Variants in PRELID2 observed in about 807,000 individuals in gnomAD.
PRELID2 encodes PRELI domain containing 2.
PRELID2 carries 25 observed loss-of-function variants against 28.4 expected under a neutral mutation model. The ratio of observed to expected loss-of-function variants is 0.88; its 90% CI spans 0.64 to 1.23. The LOEUF is 1.23. Among genes scored for constraint, PRELID2 ranks in the 50% most tolerant of loss-of-function variants. PRELID2 has a pLI of 0.00. For missense variants in PRELID2, 201 were observed against 214.4 expected, an observed-to-expected ratio of 0.94 and a Z score of 0.39; for synonymous variants, 76 against 71.6, an observed-to-expected ratio of 1.06 and a Z score of -0.31.
intron 1 of PRELID2, among the ~76,000 whole-genome samples, chr5:145,556,503 G>A (rs1031610140): frequency 6.6e-6 from 1 of 151,986 alleles, no homozygotes; most frequent in African/African-American, 2.4e-5. Context: ...CCTAGATTAG[G>A]CTACCTAAGT....
the PRELID2 span, among the ~76,000 whole-genome samples, chr5:145,439,217 G>T: frequency 6.6e-6 from 1 of 152,100 alleles, no homozygotes; most frequent in African/African-American, 2.4e-5. Context: ...AGCAAAGAAA[G>T]AATTGGTTGC....
chr5:145,619,108 C>T (rs531499788), intron 1 of PRELID2, among the ~76,000 whole-genome samples: 2 of 152,292 alleles, frequency 1.3e-5, no homozygotes, highest in South Asian at 4.1e-4. Context: ...GGCTACCCGC[C>T]TCCCAGCTGT....
chr5:145,770,725 A>G (rs995372761), intron 5 of PRELID2, among the ~76,000 whole-genome samples: 2 of 152,232 alleles, frequency 1.3e-5, no homozygotes, highest in African/African-American at 4.8e-5. Context: ...TTTTAACAAA[A>G]AAGTTCAAAA....
chr5:145,494,960 T>A (rs141774458), intron 1 of PRELID2, among the ~76,000 whole-genome samples: 1 of 152,308 alleles, frequency 6.6e-6, no homozygotes, highest in African/African-American at 2.4e-5. Context: ...AGTGTGCCAA[T>A]GACAATATGT....
intron 1 of PRELID2, among the ~76,000 whole-genome samples, chr5:145,574,194 T>A (rs865974305): frequency 6.6e-6 from 1 of 152,212 alleles, no homozygotes; most frequent in Middle Eastern, 3.4e-3. Flanking sequence ...GCTATGAAGA[T>A]GTAGGAAAAG....
At chr5:145,712,136 A>G (rs545238065) in intron 1 of PRELID2, among the ~76,000 whole-genome samples, 131 of 152,344 alleles carry the variant, frequency 8.6e-4, no homozygotes, top group African/African-American at 3.0e-3. Context: ...CCATCAAGGT[A>G]CTGGCTTGAA....
chr5:145,385,772 A>C, the PRELID2 span, among the ~76,000 whole-genome samples: 2 of 152,188 alleles, frequency 1.3e-5, no homozygotes, highest in Non-Finnish European at 2.9e-5. Context: ...TAGATCATAA[A>C]TGACATTGCA....
rs377075368 is a variant in PRELID2 at position 145,490,091 on chromosome 5, T to TCAAC, written n.71-16780_71-16777dup. 1.3e-3 allele frequency among the ~76,000 whole-genome samples: 203 copies of TCAAC among 152,256 alleles called. 1 individual carries two copies. The highest frequency in any genetic ancestry group is 4.9e-3 in the African/African-American group (203 of 41,588). On this transcript the variant is annotated intron_variant and non_coding_transcript_variant, in intron 1 of 2. Coordinates refer to the PRELID2 transcript ENST00000510259. ...TTAAAAGATGTTGCTTAAAATAAAA[T>TCAAC]CAACTGAGCTATCATCACACCTCCA...
chr5:145,497,978 C>G (rs1246850345), intron 1 of PRELID2, among the ~76,000 whole-genome samples: 2 of 152,122 alleles, frequency 1.3e-5, no homozygotes, highest in Non-Finnish European at 2.9e-5. Context: ...CAACACTTGC[C>G]CTTCACTAAT....
At chr5:145,740,432 T>C (rs1283381575) in intron 1 of PRELID2, among the ~76,000 whole-genome samples, 1 of 139,884 alleles carries the variant, frequency 7.1e-6, no homozygotes, top group African/African-American at 2.6e-5. Flanking sequence ...CTACAAAACG[T>C]TCTCTCAACA....
At chr5:145,247,307 G>A in the PRELID2 span, among the ~76,000 whole-genome samples, 3 of 152,072 alleles carry the variant, frequency 2.0e-5, no homozygotes, top group Non-Finnish European at 4.4e-5. Context: ...ACTGATTTGA[G>A]TAATAATAAA....
the PRELID2 span, chr5:145,338,450 A>G: frequency 6.6e-6 from 1 of 152,202 alleles, no homozygotes; most frequent in Non-Finnish European, 1.5e-5. Flanking sequence ...AGATGCATGC[A>G]AGTTCATCAG....
chr5:145,500,779 A>C (rs1440670278), intron 1 of PRELID2, among the ~76,000 whole-genome samples: 1 of 152,190 alleles, frequency 6.6e-6, no homozygotes, highest in South Asian at 2.1e-4. Context: ...GAAGGATGGC[A>C]ACTACCTTGT....
intron 1 of PRELID2, among the ~76,000 whole-genome samples, chr5:145,586,368 T>C (rs1437038339): frequency 6.6e-6 from 1 of 152,020 alleles, no homozygotes; most frequent in Non-Finnish European, 1.5e-5. Context: ...AAAGGCCAGG[T>C]GCAGTGGCTC....
chr5:145,575,520 A>G (rs963662338), intron 1 of PRELID2, among the ~76,000 whole-genome samples: 1 of 152,174 alleles, frequency 6.6e-6, no homozygotes, highest in African/African-American at 2.4e-5. Flanking sequence ...ATTAGAATGT[A>G]AAGGGACCTT....
intron 1 of PRELID2, among the ~76,000 whole-genome samples, chr5:145,652,217 GAAAC>G (rs1189207386): frequency 2.0e-5 from 3 of 152,154 alleles, no homozygotes; most frequent in East Asian, 1.9e-4. Flanking sequence ...AGAATAAAAA[GAAAC>G]AAACAAAGCC....
At chr5:145,819,331 GA>G in intron 3 of PRELID2, 1 of 1,339,774 alleles carries the variant, frequency 7.5e-7, no homozygotes, top group Non-Finnish European at 1.1e-6. Flanking sequence ...GACTCCCACT[GA>G]AAATCCCTCT....
At chr5:145,231,700 C>A in the PRELID2 span, among the ~76,000 whole-genome samples, 1 of 152,054 alleles carries the variant, frequency 6.6e-6, no homozygotes, top group African/African-American at 2.4e-5. Context: ...ACTTTACCAT[C>A]TTCTTCTCTC....
chr5:145,277,870 C>T, the PRELID2 span, among the ~76,000 whole-genome samples: 7 of 152,264 alleles, frequency 4.6e-5, no homozygotes, highest in South Asian at 1.5e-3. Context: ...ACATACCTTC[C>T]CTCTAGGCCA....
Sources: allele counts gnomAD v4.1 joint callset (sites outside exome capture counted in the v4.1 genomes callset), GRCh38; gene constraint gnomAD v4.1.1; transcripts MANE v1.5; gene names NCBI Gene and HGNC (gene_info 2026-07-23, HGNC 2026-07-21).